The following CYP2C18 variants were observed in gnomAD, a reference collection of about 807,000 sequenced individuals.
The protein encoded by CYP2C18 is cytochrome P450 2C18.
A neutral mutation model predicts 41.3 loss-of-function variants in CYP2C18; 38 were observed. That is an observed-to-expected ratio of 0.92 (90% CI 0.71 to 1.21). The LOEUF (loss-of-function observed/expected upper bound fraction) is 1.21, where lower values mean the gene tolerates loss of function less well. Ranked by LOEUF, CYP2C18 falls within the 50% of genes most tolerant of loss-of-function variation. The pLI is 0.00. For synonymous variants in CYP2C18, 236 were observed against 210.0 expected, an observed-to-expected ratio of 1.12 and a Z score of -1.07; for missense variants, 635 against 591.4, an observed-to-expected ratio of 1.07 and a Z score of -0.77.
intron 4 of CYP2C18, among the ~76,000 whole-genome samples, chr10:94,702,207 G>T (rs1847258888): frequency 6.6e-6 from 1 of 152,072 alleles, no homozygotes; most frequent in Admixed American, 6.6e-5. Flanking sequence ...TGATGATTGT[G>T]TGTCTTGGGG....
chr10:94,734,584 G>A (rs755394787), intron 8 of CYP2C18, among the ~76,000 whole-genome samples: 1 of 152,162 alleles, frequency 6.6e-6, no homozygotes, highest in Non-Finnish European at 1.5e-5. Context: ...AAGCATAGGA[G>A]TAGAGCTTTT....
chr10:94,694,061 A>G (rs1386233350), intron 3 of CYP2C18, among the ~76,000 whole-genome samples: 2 of 152,204 alleles, frequency 1.3e-5, no homozygotes, highest in African/African-American at 4.8e-5. Flanking sequence ...GTTTATAATA[A>G]CATAAGGTAT....
chr10:94,714,885 GTCCTT>G (rs1847511935), intron 5 of CYP2C18, among the ~76,000 whole-genome samples: 1 of 152,100 alleles, frequency 6.6e-6, no homozygotes, highest in Admixed American at 6.5e-5. Context: ...TCTTGAAGAG[GTCCTT>G]CATATCCCTT....
At chr10:94,715,204 T>G (rs1847517287) in intron 5 of CYP2C18, among the ~76,000 whole-genome samples, 2 of 152,314 alleles carry the variant, frequency 1.3e-5, no homozygotes, top group South Asian at 2.1e-4. Context: ...TGGCCAGAAC[T>G]TCCAACAGTA....
intron 8 of CYP2C18, 128 bp from the exon 9 acceptor site, chr10:94,735,135 C>A (rs113913845): frequency 1.9e-5 from 18 of 925,116 alleles, no homozygotes; most frequent in African/African-American, 1.7e-4. Context: ...ATCCAGCCAT[C>A]CTTCCAGTCA....
chr10:94,683,814 C>T lies in CYP2C18; in HGVS notation c.-6C>T, dbSNP rs1421114251. The T allele has an allele frequency of 6.3e-7, 1 of 1,587,260 alleles. No homozygotes were observed. The highest frequency in any genetic ancestry group is 8.6e-7 in the Non-Finnish European group (1 of 1,167,460). ...GCAGTTGTCTTACTAAGAAGAGAAG[C>T]CTTCAATGGATCCAGCTGTGGCTCT... On this transcript the variant is annotated 5_prime_UTR_variant, in exon 1 of 9. Coordinates refer to ENST00000285979, the MANE Select transcript of CYP2C18 (RefSeq NM_000772.3).
intron 6 of CYP2C18, among the ~76,000 whole-genome samples, chr10:94,722,135 A>G (rs1847656945): frequency 6.6e-6 from 1 of 152,144 alleles, no homozygotes; most frequent in African/African-American, 2.4e-5. Context: ...GCCTGAGAAA[A>G]TCTGTATAGT....
chr10:94,720,949 A>G (rs1351761291), intron 6 of CYP2C18, among the ~76,000 whole-genome samples: 1 of 152,132 alleles, frequency 6.6e-6, no homozygotes, highest in South Asian at 2.1e-4. Flanking sequence ...ACTAAAAGCC[A>G]TGTCTACAAA....
In CYP2C18 at chr10:94,721,750, G is replaced by A. The variant is rs185533409; in HGVS notation, c.961+1213G>A. Among the ~76,000 whole-genome samples the A allele has an allele frequency of 2.0e-4, 31 of 152,150 alleles. 1 individual carries two copies. The highest frequency in any genetic ancestry group is 7.0e-4 in the African/African-American group (29 of 41,538). Reference sequence around the variant, plus strand: ...TTTGAGCATTTGCACTTAGGATAATGGCTTCTAGTTCCATCCATGTTGCCA... The same window carrying A: ...TTTGAGCATTTGCACTTAGGATAATAGCTTCTAGTTCCATCCATGTTGCCA... On this transcript the variant is annotated intron_variant, in intron 6 of 8. Transcript: ENST00000285979.
At chr10:94,691,456 C>A (rs1446497320) in intron 3 of CYP2C18, among the ~76,000 whole-genome samples, 6 of 152,090 alleles carry the variant, frequency 3.9e-5, no homozygotes, top group Admixed American at 1.3e-4. Flanking sequence ...CCTAGGAATC[C>A]AACTTACAAG....
intron 5 of CYP2C18, among the ~76,000 whole-genome samples, chr10:94,713,024 T>G (rs1022328779): frequency 2.0e-5 from 3 of 152,184 alleles, no homozygotes; most frequent in African/African-American, 7.2e-5. Flanking sequence ...GCCCATTTCT[T>G]AATTGGATTA....
chr10:94,706,642 A>C (rs945381845), intron 4 of CYP2C18, 142 bp from the exon 5 acceptor site: 10 of 552,556 alleles, frequency 1.8e-5, no homozygotes, highest in Middle Eastern at 9.7e-4. Flanking sequence ...ATAGAGGACT[A>C]CTTTGTACGT....
chr10:94,689,105 A>G (rs1234386809), intron 3 of CYP2C18, among the ~76,000 whole-genome samples: 1 of 152,180 alleles, frequency 6.6e-6, no homozygotes, highest in African/African-American at 2.4e-5. Flanking sequence ...TTAAGAAGTA[A>G]TTAAAATTAT....
intron 7 of CYP2C18, 76 bp from the exon 8 acceptor site, chr10:94,733,221 G>A: frequency 1.4e-6 from 2 of 1,379,868 alleles, no homozygotes; most frequent in African/African-American, 1.4e-5. Context: ...AAAGAGATTG[G>A]ACTAGGTGAT....
At chr10:94,712,307 C>G (rs1847452787) in intron 5 of CYP2C18, among the ~76,000 whole-genome samples, 1 of 151,932 alleles carries the variant, frequency 6.6e-6, no homozygotes, top group African/African-American at 2.4e-5. Flanking sequence ...CTCCTCCATT[C>G]TAACAGGCTT....
At chr10:94,716,700 C>G (rs1847552068) in intron 5 of CYP2C18, among the ~76,000 whole-genome samples, 1 of 152,130 alleles carries the variant, frequency 6.6e-6, no homozygotes, top group African/African-American at 2.4e-5. Context: ...ATTAGATCTG[C>G]TTGGTGCAGA....
intron 5 of CYP2C18, among the ~76,000 whole-genome samples, chr10:94,716,904 C>G (rs1847557496): frequency 6.6e-6 from 1 of 152,164 alleles, no homozygotes; most frequent in Middle Eastern, 3.2e-3. Flanking sequence ...GTTAGCTCTT[C>G]TTGTTGAATT....
At chr10:94,691,901 C>T (rs1847007387) in intron 3 of CYP2C18, among the ~76,000 whole-genome samples, 1 of 152,104 alleles carries the variant, frequency 6.6e-6, no homozygotes, top group African/African-American at 2.4e-5. Context: ...TTTGTCAAAC[C>T]TGACAAAAAC....
chr10:94,684,233 A>G (rs1846842199), intron 1 of CYP2C18, among the ~76,000 whole-genome samples: 1 of 152,084 alleles, frequency 6.6e-6, no homozygotes, highest in African/African-American at 2.4e-5. Flanking sequence ...AGCTGTTTTG[A>G]AATATACAGT....
Sources: allele counts gnomAD v4.1 joint callset (sites outside exome capture counted in the v4.1 genomes callset), GRCh38; gene constraint gnomAD v4.1.1; transcripts MANE v1.5; gene names NCBI Gene and HGNC (gene_info 2026-07-23, HGNC 2026-07-21).